RBFOX1: variants seen among roughly 807,000 people sequenced by gnomAD.
RBFOX1 encodes RNA binding fox-1 homolog 1.
In RBFOX1, 8 loss-of-function variants were observed where a neutral mutation model predicts 57.7. That is an observed-to-expected ratio of 0.14 (90% CI 0.08 to 0.25). RBFOX1 has a LOEUF of 0.25. Ranked by LOEUF, RBFOX1 falls within the 10% of genes least tolerant of loss-of-function variation. The pLI is 1.00. For synonymous variants in RBFOX1, 326 were observed against 222.4 expected (o/e 1.47, Z -4.15); for missense variants, 611 against 548.5 (o/e 1.11, Z -1.14).
At chr16:7,237,532 A>G (rs1163672852) in intron 4 of RBFOX1, among the ~76,000 whole-genome samples, 2 of 152,250 alleles carry the variant, frequency 1.3e-5, no homozygotes, top group Admixed American at 6.5e-5. Flanking sequence ...GAGAAAAGTG[A>G]AAAGCAAAGT....
intron 3 of RBFOX1, among the ~76,000 whole-genome samples, chr16:5,817,576 C>G (rs2055687547): frequency 6.6e-6 from 1 of 151,962 alleles, no homozygotes; most frequent in Non-Finnish European, 1.5e-5. Context: ...CACCAAGACC[C>G]TTAGTGGGAG....
At chr16:7,052,184 T>C in intron 4 of RBFOX1, 86 bp downstream of exon 4, 1 of 1,524,960 alleles carries the variant, frequency 6.6e-7, no homozygotes, top group East Asian at 2.3e-5. Context: ...AAGACACGGG[T>C]TCTAAATAAC....
intron 3 of RBFOX1, among the ~76,000 whole-genome samples, chr16:6,680,524 A>C (rs1035710876): frequency 6.6e-6 from 1 of 151,970 alleles, no homozygotes; most frequent in Non-Finnish European, 1.5e-5. Flanking sequence ...CGGCCTCCCA[A>C]AGTGCTGGGA....
intron 4 of RBFOX1, among the ~76,000 whole-genome samples, chr16:7,187,794 G>A (rs77873282): frequency 1.3e-3 from 195 of 148,318 alleles, no homozygotes; most frequent in Non-Finnish European, 2.2e-3. Context: ...ATATTCATCA[G>A]CATTTTTCTT....
intron 3 of RBFOX1, among the ~76,000 whole-genome samples, chr16:5,703,443 A>G (rs1022608968): frequency 2.6e-5 from 4 of 152,228 alleles, no homozygotes; most frequent in African/African-American, 7.2e-5. Context: ...TGGAGCCCAG[A>G]GGGCAAGCTG....
chr16:6,955,343 C>CAT (rs2081559312), intron 3 of RBFOX1, among the ~76,000 whole-genome samples: 9 of 95,264 alleles, frequency 9.4e-5, no homozygotes, highest in African/African-American at 1.5e-4. Flanking sequence ...GCCTTCCCCA[C>CAT]ATATGCACAC....
chr16:7,053,024 C>A (rs886345849), intron 4 of RBFOX1, among the ~76,000 whole-genome samples: 1 of 152,168 alleles, frequency 6.6e-6, no homozygotes, highest in African/African-American at 2.4e-5. Flanking sequence ...CCAAAGGTGT[C>A]TAATAAATAA....
At chr16:7,234,771 G>C (rs931093293) in intron 4 of RBFOX1, among the ~76,000 whole-genome samples, 1 of 151,570 alleles carries the variant, frequency 6.6e-6, no homozygotes, top group Non-Finnish European at 1.5e-5. Context: ...TCAGAAATGG[G>C]TAATAGACTA....
chr16:6,064,270 TC>T (rs570327755), intron 1 of RBFOX1, among the ~76,000 whole-genome samples: 232 of 152,288 alleles, frequency 1.5e-3, no homozygotes, highest in African/African-American at 5.4e-3. Flanking sequence ...ATAACTGTCC[TC>T]CATGAATATA....
At chr16:5,473,469 C>G (rs185657865) in intron 2 of RBFOX1, among the ~76,000 whole-genome samples, 1 of 151,950 alleles carries the variant, frequency 6.6e-6, no homozygotes, top group Non-Finnish European at 1.5e-5. Context: ...AGTACCTCAC[C>G]TTTTTATTCC....
At chr16:7,215,156 G>A (rs1318759174) in intron 4 of RBFOX1, among the ~76,000 whole-genome samples, 2 of 152,258 alleles carry the variant, frequency 1.3e-5, no homozygotes, top group East Asian at 1.9e-4. Flanking sequence ...AGAACATGTG[G>A]TGTTTGGTTT....
At chr16:6,489,046 C>T (rs78322108) in intron 2 of RBFOX1, among the ~76,000 whole-genome samples, 20,917 of 152,176 alleles carry the variant, frequency 0.14, 2,022 homozygotes, top group Non-Finnish European at 0.2. Flanking sequence ...ATTGTTACAG[C>T]TGCTTCCTTG....
intron 1 of RBFOX1, among the ~76,000 whole-genome samples, chr16:6,266,524 G>A (rs1336075606): frequency 3.3e-5 from 5 of 152,004 alleles, no homozygotes; most frequent in Non-Finnish European, 5.9e-5. Context: ...GACCAGCCTG[G>A]CCAACATGGT....
At chr16:7,149,994 G>C (rs114197907) in intron 4 of RBFOX1, among the ~76,000 whole-genome samples, 1,573 of 152,168 alleles carry the variant, frequency 0.01, 21 homozygotes, top group African/African-American at 0.036. Flanking sequence ...TCCTCTGCTA[G>C]AACCCTTCTC....
intron 1 of RBFOX1, among the ~76,000 whole-genome samples, chr16:5,284,020 C>G (rs1162975732): frequency 6.6e-6 from 1 of 152,136 alleles, no homozygotes; most frequent in East Asian, 1.9e-4. Flanking sequence ...GTAATTGAGT[C>G]ATGGGGGCAT....
At chr16:5,549,091 C>T (rs1050793526) in intron 2 of RBFOX1, among the ~76,000 whole-genome samples, 10 of 152,164 alleles carry the variant, frequency 6.6e-5, no homozygotes, top group African/African-American at 2.4e-4. Context: ...TCGTGGAGGA[C>T]CCCAGCTTCC....
rs377538951 is a variant in RBFOX1, at chr16:6,190,350, A to G, written c.-126-126645A>G. On this transcript the variant is annotated intron_variant, in intron 1 of 15. Transcript: ENST00000550418. ...GTGTCCTATAGACGTTGTTCTGTATATAGTATCAACAGAATTATGTAGTGT... is the reference window on the plus strand; with the variant it reads ...GTGTCCTATAGACGTTGTTCTGTATGTAGTATCAACAGAATTATGTAGTGT... Among the ~76,000 whole-genome samples, 256 of 152,336 alleles carry G rather than the reference A, an allele frequency of 1.7e-3. 2 individuals carry two copies. The highest frequency in any genetic ancestry group is 5.6e-3 in the African/African-American group (231 of 41,578).
chr16:7,460,470 ATATC>A (rs1300056841), intron 4 of RBFOX1, among the ~76,000 whole-genome samples: 2 of 145,458 alleles, frequency 1.4e-5, no homozygotes, highest in African/African-American at 2.5e-5. Context: ...TATCTAATAT[ATATC>A]TAATTATGTA....
chr16:7,267,341 C>T (rs918752653), intron 4 of RBFOX1, among the ~76,000 whole-genome samples: 1 of 152,022 alleles, frequency 6.6e-6, no homozygotes, highest in Non-Finnish European at 1.5e-5. Context: ...TGGAGACCAG[C>T]CTGGGCAACA....
Sources: allele counts gnomAD v4.1 joint callset (sites outside exome capture counted in the v4.1 genomes callset), GRCh38; gene constraint gnomAD v4.1.1; transcripts MANE v1.5; gene names NCBI Gene and HGNC (gene_info 2026-07-23, HGNC 2026-07-21).